BACE2: variants seen among roughly 807,000 people sequenced by gnomAD.
BACE2 encodes beta-secretase 2.
In BACE2, 17 loss-of-function variants were observed where a neutral mutation model predicts 46.2. That is an observed-to-expected ratio of 0.37 (90% CI 0.25 to 0.55). The LOEUF (loss-of-function observed/expected upper bound fraction) is 0.55. Among genes scored for constraint, BACE2 ranks in the 20% least tolerant of loss-of-function variants. The probability of loss-of-function intolerance (pLI) is 0.82; values close to 1 mark genes in which losing one functional copy is unlikely to be tolerated. For synonymous variants in BACE2, 277 were observed against 295.9 expected (o/e 0.94, Z 0.66); for missense variants, 595 against 698.1 (o/e 0.85, Z 1.66).
At chr21:41,221,055 A>AC (rs1327229264) in intron 1 of BACE2, among the ~76,000 whole-genome samples, 1 of 151,724 alleles carries the variant, frequency 6.6e-6, no homozygotes, top group Non-Finnish European at 1.5e-5. Flanking sequence ...AAAAAAAAAA[A>AC]AAAAAAACAG....
At chr21:41,219,474 T>C (rs1259022426) in intron 1 of BACE2, among the ~76,000 whole-genome samples, 1 of 152,176 alleles carries the variant, frequency 6.6e-6, no homozygotes, top group Non-Finnish European at 1.5e-5. Flanking sequence ...TAATTCAGTT[T>C]GGGGGAATGT....
chr21:41,227,385 C>T (rs1759416855), intron 2 of BACE2, among the ~76,000 whole-genome samples: 1 of 152,046 alleles, frequency 6.6e-6, no homozygotes, highest in South Asian at 2.1e-4. Flanking sequence ...GTGTTTTGTT[C>T]CGGGAAATAA....
Position 41,193,313 on chromosome 21 carries a change from G to C in BACE2, c.312+24738G>C, listed in dbSNP as rs1028948429. 3.3e-5 allele frequency among the ~76,000 whole-genome samples: 5 copies of C among 152,190 alleles called. No individual in the cohort carries two copies. In the East Asian group the frequency reaches 7.7e-4, roughly 23 times the overall value. On this transcript the variant is annotated intron_variant, in intron 1 of 8. Coordinates refer to ENST00000330333, the MANE Select transcript of BACE2 (RefSeq NM_012105.5). This position sits in a 1 kb window ranked among gnomAD's most constrained non-coding sequence, Gnocchi z 4.2. Reference sequence around the variant, plus strand: ...TTGCCAAGTCAATGGCTGCATACCAGGTACCAGGAGGTGTGTTAATTTGCT... The same window carrying C: ...TTGCCAAGTCAATGGCTGCATACCACGTACCAGGAGGTGTGTTAATTTGCT...
intron 1 of BACE2, among the ~76,000 whole-genome samples, chr21:41,172,427 C>T (rs868430563): frequency 4.0e-4 from 61 of 152,214 alleles, no homozygotes; most frequent in African/African-American, 1.4e-3. Context: ...ATCCTTGCAA[C>T]GTCCTGGAAA....
At chr21:41,220,642 C>G (rs1986613559) in intron 1 of BACE2, among the ~76,000 whole-genome samples, 1 of 151,886 alleles carries the variant, frequency 6.6e-6, no homozygotes, top group South Asian at 2.1e-4. Flanking sequence ...GGCTTTGAAA[C>G]TTGGGGCTGT....
intron 1 of BACE2, among the ~76,000 whole-genome samples, chr21:41,203,518 G>C (rs574025731): frequency 4.9e-4 from 75 of 152,260 alleles, no homozygotes; most frequent in African/African-American, 1.7e-3. Flanking sequence ...GAGTTGCCTG[G>C]CTGCGAGGGT....
chr21:41,184,433 C>G, intron 1 of BACE2: 1 of 167,180 alleles, frequency 6.0e-6, no homozygotes. Flanking sequence ...ATAAGCTTTT[C>G]TGGTTTATCT....
intron 1 of BACE2, among the ~76,000 whole-genome samples, chr21:41,194,558 A>G (rs550658156): frequency 3.9e-4 from 60 of 152,242 alleles, no homozygotes; most frequent in Non-Finnish European, 8.1e-4. Context: ...CCAAGATAAT[A>G]CTTCCCCGTT....
At chr21:41,264,040 T>A (rs149619239) in intron 8 of BACE2, among the ~76,000 whole-genome samples, 3 of 152,350 alleles carry the variant, frequency 2.0e-5, no homozygotes, top group African/African-American at 7.2e-5. Context: ...TGTTTTCCTT[T>A]CTATCTTTGC....
chr21:41,260,274 A>G (rs112594339), intron 8 of BACE2, among the ~76,000 whole-genome samples: 1,773 of 151,740 alleles, frequency 0.012, 26 homozygotes, highest in African/African-American at 0.037. Context: ...CCTCCCAAGT[A>G]CCTGGGACTA....
chr21:41,271,485 G>A (rs2088434004), intron 8 of BACE2, among the ~76,000 whole-genome samples: 1 of 152,212 alleles, frequency 6.6e-6, no homozygotes, highest in Admixed American at 6.5e-5. Context: ...TATATTTAAT[G>A]TATGATTGAT....
Position 41,193,535 on chromosome 21 carries a change from C to T in BACE2, c.312+24960C>T, listed in dbSNP as rs1985645140. 6.6e-6 allele frequency among the ~76,000 whole-genome samples: 1 copy of T among 152,226 alleles called. No individual in the cohort carries two copies. Among genetic ancestry groups the T allele is most frequent in the Non-Finnish European group, 1.5e-5 (1 of 68,032 alleles). ...TGATGGTGGCACTAATCTCCACAAT[C>T]CCTTCAGGGATGTGATACTGTTTTT... On this transcript the variant is annotated intron_variant, in intron 1 of 8. Transcript: ENST00000330333. This position sits in a 1 kb window ranked among gnomAD's most constrained non-coding sequence, Gnocchi z 4.2.
At chr21:41,208,181 CA>C (rs1986188208) in intron 1 of BACE2, among the ~76,000 whole-genome samples, 1 of 152,234 alleles carries the variant, frequency 6.6e-6, no homozygotes, top group Admixed American at 6.5e-5. Context: ...CGAGAAAACC[CA>C]CAGACACACC....
At chr21:41,275,054 C>T (rs2088470215) in intron 8 of BACE2, among the ~76,000 whole-genome samples, 1 of 152,222 alleles carries the variant, frequency 6.6e-6, no homozygotes, top group Admixed American at 6.5e-5. Flanking sequence ...GCACTCTCAC[C>T]TGTGTAGTAC....
chr21:41,255,507 G>A (rs1423476965), intron 7 of BACE2, among the ~76,000 whole-genome samples: 6 of 152,216 alleles, frequency 3.9e-5, no homozygotes, highest in South Asian at 2.1e-4. Context: ...GCGTCCACAC[G>A]GACGAAGTGA....
chr21:41,271,020 A>G (rs2088429146), intron 8 of BACE2, among the ~76,000 whole-genome samples: 1 of 152,186 alleles, frequency 6.6e-6, no homozygotes, highest in Non-Finnish European at 1.5e-5. Context: ...TTTATGTCCT[A>G]TTTATGAAGG....
chr21:41,224,539 T>C (rs1324382699), intron 1 of BACE2, among the ~76,000 whole-genome samples: 1 of 152,236 alleles, frequency 6.6e-6, no homozygotes, highest in East Asian at 1.9e-4. Context: ...TTCAACCTTT[T>C]GGGCTATATC....
rs60954552 is a variant in BACE2, at chr21:41,198,193, G to A, written c.313-28073G>A. On this transcript the variant is annotated intron_variant, in intron 1 of 8. Coordinates refer to ENST00000330333, the MANE Select transcript of BACE2 (RefSeq NM_012105.5). ...TTTTAGTAGAGGAGGGTTTTGTCAT[G>A]TTGGCCAGGCTGGTCTTGAGCTCTT... Among the ~76,000 whole-genome samples the A allele has an allele frequency of 7.7e-3, 1,172 of 152,244 alleles. 9 individuals are homozygous for A. The highest frequency in any genetic ancestry group is 0.027 in the African/African-American group (1,104 of 41,514).
intron 1 of BACE2, among the ~76,000 whole-genome samples, chr21:41,216,154 T>C (rs995058060): frequency 6.6e-5 from 10 of 152,166 alleles, no homozygotes; most frequent in African/African-American, 2.4e-4. Context: ...AAGTGGGTGA[T>C]GGTCCTGGCT....
Sources: allele counts gnomAD v4.1 joint callset (sites outside exome capture counted in the v4.1 genomes callset), GRCh38; gene constraint gnomAD v4.1.1; non-coding constraint Gnocchi (gnomAD v3.1); transcripts MANE v1.5; gene names NCBI Gene and HGNC (gene_info 2026-07-23, HGNC 2026-07-21).